Variants in INPP4B observed in about 807,000 individuals in gnomAD.
The protein encoded by INPP4B is inositol polyphosphate-4-phosphatase type II B, also known as inositol polyphosphate 4-phosphatase type II.
A neutral mutation model predicts 122.5 loss-of-function variants in INPP4B; 55 were observed. The observed-to-expected ratio is 0.45, with a 90% confidence interval of 0.36 to 0.56. The LOEUF is 0.56. INPP4B is among the 20% of genes least tolerant of loss of function. The probability of loss-of-function intolerance (pLI) is 0.00; values close to 1 mark genes in which losing one functional copy is unlikely to be tolerated. For synonymous variants in INPP4B, 403 were observed against 388.7 expected (o/e 1.04, Z -0.43); for missense variants, 1,000 against 1,097.7 (o/e 0.91, Z 1.26).
intron 1 of INPP4B, chr4:142,767,573 G>A (rs1772343165): frequency 6.6e-6 from 1 of 152,120 alleles, no homozygotes; most frequent in African/African-American, 2.4e-5. Flanking sequence ...ATACACTGGG[G>A]ATAATAGTAG....
intron 14 of INPP4B, among the ~76,000 whole-genome samples, chr4:142,194,877 A>G (rs1269148236): frequency 1.3e-5 from 2 of 152,218 alleles, no homozygotes; most frequent in Admixed American, 6.5e-5. Flanking sequence ...TATTTTCTGT[A>G]TAAGAAACTA....
At chr4:142,126,363 T>C (rs1798618484) in intron 18 of INPP4B, among the ~76,000 whole-genome samples, 1 of 152,018 alleles carries the variant, frequency 6.6e-6, no homozygotes, top group African/African-American at 2.4e-5. Flanking sequence ...ATAAAAAGAA[T>C]CACAATCACT....
At chr4:142,438,821 T>C (rs923648742) in intron 3 of INPP4B, among the ~76,000 whole-genome samples, 3 of 152,078 alleles carry the variant, frequency 2.0e-5, no homozygotes, top group African/African-American at 7.2e-5. Flanking sequence ...GGCCTAATTT[T>C]CAGAATTTAC....
chr4:142,706,821 G>A (rs1435336054), intron 2 of INPP4B, among the ~76,000 whole-genome samples: 2 of 152,210 alleles, frequency 1.3e-5, no homozygotes, highest in South Asian at 2.1e-4. Flanking sequence ...GTCTAAAGAC[G>A]CTAAATATTG....
intron 9 of INPP4B, among the ~76,000 whole-genome samples, chr4:142,302,982 T>C (rs1334290924): frequency 6.6e-6 from 1 of 152,186 alleles, no homozygotes; most frequent in Non-Finnish European, 1.5e-5. Context: ...AACCACTTTA[T>C]ACATCAGAGG....
At chr4:142,671,702 A>G (rs1560945111) in intron 2 of INPP4B, among the ~76,000 whole-genome samples, 1 of 152,152 alleles carries the variant, frequency 6.6e-6, no homozygotes. Context: ...TCTTAGTTCC[A>G]AGATAGTAAC....
At chr4:142,066,891 T>C (rs1305149186) in intron 25 of INPP4B, among the ~76,000 whole-genome samples, 1 of 152,180 alleles carries the variant, frequency 6.6e-6, no homozygotes, top group Non-Finnish European at 1.5e-5. Flanking sequence ...ACTCCACCTC[T>C]GGGGGCAGGG....
chr4:142,100,170 A>AT (rs1397266126), intron 23 of INPP4B, among the ~76,000 whole-genome samples: 4 of 152,114 alleles, frequency 2.6e-5, no homozygotes, highest in Non-Finnish European at 5.9e-5. Context: ...TTATCACAGG[A>AT]AACCTCATCT....
chr4:142,337,736 TTA>T (rs1053876938), intron 7 of INPP4B, among the ~76,000 whole-genome samples: 6 of 52,216 alleles, frequency 1.1e-4, no homozygotes, highest in African/African-American at 2.4e-4. Context: ...TTATATATAT[TTA>T]TATATATTAT....
At chr4:142,066,850 A>G (rs1763798411) in intron 25 of INPP4B, among the ~76,000 whole-genome samples, 1 of 152,202 alleles carries the variant, frequency 6.6e-6, no homozygotes, top group South Asian at 2.1e-4. Context: ...GGAGCCCACC[A>G]CAGCTCAAGG....
chr4:142,691,168 T>C (rs1223546796), intron 2 of INPP4B, among the ~76,000 whole-genome samples: 1 of 152,072 alleles, frequency 6.6e-6, no homozygotes, highest in Non-Finnish European at 1.5e-5. Flanking sequence ...GCATTCTCTT[T>C]AGTTGCAACT....
rs138641738 is a variant in INPP4B at position 142,235,515 on chromosome 4, A to G, written c.836+2349T>C. Among the ~76,000 whole-genome samples, 480 of 152,246 alleles carry G rather than the reference A, an allele frequency of 3.2e-3. 2 individuals carry two copies. The highest frequency in any genetic ancestry group is 6.0e-3 in the Non-Finnish European group (409 of 68,012). ...CAGCTCACTGCAAGCTCCGCCTCCC[A>G]GGTTCACACCATTCTTCCGCCTCAG... On this transcript the variant is annotated intron_variant, in intron 12 of 25. Transcript: ENST00000262992.
intron 17 of INPP4B, among the ~76,000 whole-genome samples, chr4:142,151,298 T>C (rs1034145923): frequency 2.6e-5 from 4 of 151,850 alleles, no homozygotes; most frequent in Non-Finnish European, 5.9e-5. Flanking sequence ...ACACCACATA[T>C]CAACATCCAC....
intron 2 of INPP4B, among the ~76,000 whole-genome samples, chr4:142,497,878 A>G (rs143976029): frequency 3.9e-5 from 6 of 152,216 alleles, no homozygotes; most frequent in Admixed American, 2.0e-4. Flanking sequence ...AGTAGAGAAC[A>G]TGAAAAAAAT....
At chr4:142,053,743 C>T (rs1000060981) in intron 25 of INPP4B, among the ~76,000 whole-genome samples, 1 of 152,024 alleles carries the variant, frequency 6.6e-6, no homozygotes, top group Non-Finnish European at 1.5e-5. Context: ...AATTGCTAAC[C>T]TCTACCAGAA....
At chr4:142,602,577 A>G (rs1022054095) in intron 2 of INPP4B, among the ~76,000 whole-genome samples, 15 of 152,350 alleles carry the variant, frequency 9.8e-5, no homozygotes, top group African/African-American at 3.1e-4. Flanking sequence ...ACTTTTCAAA[A>G]GAAGACATAG....
At chr4:142,639,056 C>T (rs139870134) in intron 2 of INPP4B, among the ~76,000 whole-genome samples, 6 of 152,196 alleles carry the variant, frequency 3.9e-5, no homozygotes, top group African/African-American at 1.2e-4. Flanking sequence ...TTTCTCCTAC[C>T]TTGCTGAAGT....
intron 2 of INPP4B, among the ~76,000 whole-genome samples, chr4:142,576,452 T>C (rs1733867024): frequency 6.6e-6 from 1 of 151,978 alleles, no homozygotes; most frequent in Admixed American, 6.6e-5. Flanking sequence ...TAACATGTTT[T>C]TTAACTTCCT....
In INPP4B at chr4:142,644,691, C is replaced by T. The variant is rs941423414; in HGVS notation, c.-191+81148G>A. On this transcript the variant is annotated intron_variant, in intron 2 of 25. Transcript: ENST00000262992. ...GTGGGCTGGGCGGATCACCTAAGGT[C>T]AGAAATTCAAGACCAGTCTGGCCAA... 7.6e-5 allele frequency among the ~76,000 whole-genome samples: 10 copies of T among 131,356 alleles called. No homozygotes were observed. In the East Asian group the frequency reaches 2.2e-3, roughly 29 times the overall value. 86.2% of individuals were successfully genotyped at this position (131,356 alleles called of 152,430 possible). A position where few individuals can be genotyped will look rare whatever the true frequency, so the allele number is the denominator to read the frequency against.
Sources: gnomAD v4.1 joint callset for allele counts (sites outside exome capture counted in the v4.1 genomes callset) on GRCh38, gnomAD v4.1.1 for gene constraint, MANE v1.5 for transcripts, NCBI Gene and HGNC (gene_info 2026-07-23, HGNC 2026-07-21) for gene names.